The following PCDHA2 variants were observed in gnomAD, a reference collection of about 807,000 sequenced individuals.
PCDHA2 encodes protocadherin alpha 2, also known as protocadherin alpha-2.
PCDHA2 carries 58 observed loss-of-function variants against 66.0 expected under a neutral mutation model. That is an observed-to-expected ratio of 0.88 (90% confidence interval 0.71 to 1.09). The LOEUF (loss-of-function observed/expected upper bound fraction) is 1.09. PCDHA2 is among the 50% of genes least tolerant of loss of function. PCDHA2 has a pLI of 0.00. For missense variants in PCDHA2, 1,267 were observed against 1,242.3 expected (o/e 1.02, Z -0.30); for synonymous variants, 634 against 554.0 (o/e 1.14, Z -2.03).
At chr5:140,858,742 T>A in intron 1 of PCDHA2, 1 of 467,252 alleles carries the variant, frequency 2.1e-6, no homozygotes, top group African/African-American at 2.0e-5. Flanking sequence ...ACTTTCATAA[T>A]CACTTTTCGT....
At chr5:140,968,263 G>A (rs782272055) in intron 1 of PCDHA2, 20 of 1,613,978 alleles carry the variant, frequency 1.2e-5, no homozygotes, top group Middle Eastern at 3.3e-4. Flanking sequence ...CAGATGAAAA[G>A]GAGAATGCAG....
At chr5:140,833,945 ATCTT>A (rs2150125418) in intron 1 of PCDHA2, among the ~76,000 whole-genome samples, 1 of 152,258 alleles carries the variant, frequency 6.6e-6, no homozygotes, top group East Asian at 1.9e-4. Flanking sequence ...TTAGGTTTCT[ATCTT>A]TATTTAAAAC....
rs374513389 is a variant in PCDHA2 at position 140,801,718 on chromosome 5, C to G, written c.2388+4366C>G. ...TCGTTGTTGACTTACAGTCTTGATT[C>G]CACTGAATATTTTACCTTGGACGTT... is the stretch of plus-strand genomic sequence containing the variant. On this transcript the variant is annotated intron_variant, in intron 1 of 3. Transcript: ENST00000526136. The G allele has an allele frequency of 1.5e-5, 24 of 1,613,958 alleles. No homozygotes were observed. The highest frequency in any genetic ancestry group is 2.0e-5 in the Non-Finnish European group (24 of 1,180,024).
chr5:141,009,707 A>C lies in PCDHA2; in HGVS notation c.2617A>C (p.Asn873His). 6.2e-7 allele frequency: 1 copy of C among 1,614,144 alleles called. No individual in the cohort carries two copies. Among genetic ancestry groups the C allele is most frequent in the African/African-American group, 1.3e-5 (1 of 75,024 alleles). The change falls in exon 4 of 4, where the codon AAC becomes CAC. Residue 873 changes from asparagine (N) to histidine (H), a missense_variant. By Grantham distance (68) the Asn-to-His change is moderately conservative. Transcript: ENST00000526136. ...CTGGACCTTTAAATACGGACCAGGC[A>C]ACCCCAAACAATCCGGTCCCGGTGA... is the stretch of plus-strand genomic sequence containing the variant. ...NSWTFKYGPG[N>H]PKQSGPGELP...
At chr5:140,826,999 A>G (rs2150145975) in intron 1 of PCDHA2, among the ~76,000 whole-genome samples, 2 of 152,210 alleles carry the variant, frequency 1.3e-5, no homozygotes, top group African/African-American at 4.8e-5. Flanking sequence ...GACATGGGAA[A>G]TGCTCATGTC....
intron 1 of PCDHA2, chr5:140,968,151 T>C: frequency 6.2e-7 from 1 of 1,614,134 alleles, no homozygotes; most frequent in Non-Finnish European, 8.5e-7. Flanking sequence ...ATCTCTGACA[T>C]CAATGACAAT....
chr5:140,836,751 T>C (rs2150269188), intron 1 of PCDHA2: 5 of 1,580,282 alleles, frequency 3.2e-6, no homozygotes, highest in Middle Eastern at 1.7e-4. Flanking sequence ...GAGTCATAAA[T>C]AATCTTGTTT....
chr5:140,822,389 A>G, intron 1 of PCDHA2: 1 of 1,614,136 alleles, frequency 6.2e-7, no homozygotes, highest in South Asian at 1.1e-5. Context: ...GAAGAAACAC[A>G]AGAACACCGT....
At chr5:140,808,666 G>A (rs1409073063) in intron 1 of PCDHA2, 2 of 1,612,962 alleles carry the variant, frequency 1.2e-6, no homozygotes, top group East Asian at 2.2e-5. Context: ...TGTCCTACTC[G>A]CTGGTAGAGC....
Position 140,842,658 on chromosome 5 carries a change from C to G in PCDHA2, c.2388+45306C>G, listed in dbSNP as rs2150341323. 21 of 1,595,206 alleles carry G rather than the reference C, an allele frequency of 1.3e-5. 2 individuals are homozygous for G. The highest frequency in any genetic ancestry group is 2.7e-5 in the African/African-American group (2 of 74,162). On this transcript the variant is annotated intron_variant, in intron 1 of 3. Transcript: ENST00000526136. ...ACCGCCAGCTTGTCTGTGGAGGTGG[C>G]CGACGTGAACGACAATGCTCCGGCG...
chr5:140,824,282 T>C, intron 1 of PCDHA2: 1 of 1,076,050 alleles, frequency 9.3e-7, no homozygotes, highest in Non-Finnish European at 1.4e-6. Context: ...ATATGCTTTT[T>C]ATGAGGCTTT....
chr5:140,797,405 T>C (rs782339098), intron 1 of PCDHA2, 53 bp downstream of exon 1: 1 of 1,539,834 alleles, frequency 6.5e-7, no homozygotes, highest in South Asian at 1.2e-5. Context: ...TTTAAAAAAT[T>C]CTATATGATT....
At chr5:141,004,192 C>G (rs2098157863) in intron 3 of PCDHA2, among the ~76,000 whole-genome samples, 1 of 152,192 alleles carries the variant, frequency 6.6e-6, no homozygotes, top group African/African-American at 2.4e-5. Flanking sequence ...TGCTCTTAAC[C>G]AAAAGGAATT....
intron 1 of PCDHA2, chr5:140,884,030 G>A: frequency 6.2e-7 from 1 of 1,613,438 alleles, no homozygotes; most frequent in Non-Finnish European, 8.5e-7. Flanking sequence ...GGTGGGTGCA[G>A]GCCACGTGGT....
At chr5:140,983,822 T>C (rs1453990514) in intron 3 of PCDHA2, among the ~76,000 whole-genome samples, 2 of 152,216 alleles carry the variant, frequency 1.3e-5, no homozygotes, top group Non-Finnish European at 2.9e-5. Flanking sequence ...TTCCCAAAAA[T>C]AATCAGATGC....
chr5:140,872,165 C>CTT (rs781807025), intron 1 of PCDHA2, among the ~76,000 whole-genome samples: 18 of 144,352 alleles, frequency 1.2e-4, no homozygotes, highest in Non-Finnish European at 2.0e-4. Context: ...ATTTACTTTT[C>CTT]TTTTTTTTTT....
intron 1 of PCDHA2, among the ~76,000 whole-genome samples, chr5:140,818,289 T>C (rs2150100721): frequency 6.6e-6 from 1 of 152,350 alleles, no homozygotes; most frequent in Non-Finnish European, 1.5e-5. Flanking sequence ...AATCCATGTT[T>C]TATTCTGACC....
intron 1 of PCDHA2, chr5:140,850,708 C>A: frequency 6.3e-7 from 1 of 1,598,016 alleles, no homozygotes; most frequent in Non-Finnish European, 8.6e-7. Flanking sequence ...GGCAAGCCGA[C>A]GCTGGTGTGT....
At chr5:140,875,342 A>C in intron 1 of PCDHA2, 1 of 1,443,152 alleles carries the variant, frequency 6.9e-7, no homozygotes, top group Non-Finnish European at 9.1e-7. Context: ...GATCGACTCC[A>C]TAATGACTGT....
Sources: gnomAD v4.1 joint callset for allele counts (sites outside exome capture counted in the v4.1 genomes callset) on GRCh38, gnomAD v4.1.1 for gene constraint, MANE v1.5 for transcripts, NCBI Gene and HGNC (gene_info 2026-07-23, HGNC 2026-07-21) for gene names.